Variants in OTOG observed in about 807,000 individuals in gnomAD.
OTOG encodes the protein otogelin.
OTOG carries 296 observed loss-of-function variants against 313.8 expected under a neutral mutation model. The observed-to-expected ratio is 0.94, with a 90% CI of 0.86 to 1.04. The LOEUF is 1.04. Among genes scored for constraint, OTOG ranks in the 50% least tolerant of loss-of-function variants. OTOG has a pLI of 0.00. For missense variants in OTOG, 3,948 were observed against 3,840.1 expected (o/e 1.03, Z -0.74); for synonymous variants, 1,533 against 1,554.9 (o/e 0.99, Z 0.33).
chr11:17,614,280 T>C (rs1251145516), intron 39 of OTOG, among the ~76,000 whole-genome samples: 1 of 152,204 alleles, frequency 6.6e-6, no homozygotes, highest in Non-Finnish European at 1.5e-5. Context: ...AGCCTTGATC[T>C]GCAGCCTTCC....
intron 33 of OTOG, 140 bp from the exon 34 acceptor site, chr11:17,608,156 C>T: frequency 1.7e-6 from 1 of 578,828 alleles, no homozygotes; most frequent in Non-Finnish European, 3.0e-6. Flanking sequence ...GCAGTTTCTC[C>T]TTAGTGTGGT....
intron 39 of OTOG, among the ~76,000 whole-genome samples, chr11:17,623,932 G>T (rs951134785): frequency 1.3e-5 from 2 of 152,172 alleles, no homozygotes; most frequent in African/African-American, 4.8e-5. Context: ...CTTATTGGCT[G>T]AATGTATGTC....
chr11:17,553,910 A>T (rs942299356), intron 6 of OTOG, among the ~76,000 whole-genome samples: 2 of 152,210 alleles, frequency 1.3e-5, no homozygotes, highest in Non-Finnish European at 2.9e-5. Context: ...AGTGCTATGG[A>T]GGAGAAATGC....
intron 23 of OTOG, among the ~76,000 whole-genome samples, chr11:17,585,949 A>T (rs1434102114): frequency 6.6e-6 from 1 of 152,208 alleles, no homozygotes; most frequent in Non-Finnish European, 1.5e-5. Flanking sequence ...CCCAGGCTGT[A>T]TCCTGTTGAT....
At chr11:17,590,630 A>C (rs1272110631) in intron 24 of OTOG, among the ~76,000 whole-genome samples, 1 of 152,112 alleles carries the variant, frequency 6.6e-6, no homozygotes, top group African/African-American at 2.4e-5. Context: ...AAGTCTTCCA[A>C]TGCCCACCAC....
intron 24 of OTOG, among the ~76,000 whole-genome samples, chr11:17,589,825 A>G (rs977243664): frequency 2.0e-5 from 3 of 152,130 alleles, no homozygotes; most frequent in African/African-American, 7.2e-5. Context: ...TGCCATATCC[A>G]GTTAGCCTTT....
chr11:17,563,818 C>T (rs999157730), intron 15 of OTOG, among the ~76,000 whole-genome samples: 2 of 151,604 alleles, frequency 1.3e-5, no homozygotes, highest in African/African-American at 4.9e-5. Flanking sequence ...GTAGTTGGTA[C>T]CACAGACACG....
intron 23 of OTOG, among the ~76,000 whole-genome samples, chr11:17,581,873 C>T (rs183175471): frequency 1.6e-4 from 24 of 152,352 alleles, no homozygotes; most frequent in African/African-American, 5.3e-4. Flanking sequence ...CTGTGCTTCA[C>T]ACCAGCATAG....
intron 32 of OTOG, 125 bp from the exon 33 acceptor site, chr11:17,605,732 G>T (rs1853367172): frequency 2.8e-6 from 3 of 1,073,670 alleles, no homozygotes; most frequent in Non-Finnish European, 3.9e-6. Context: ...AGGGGGCAGG[G>T]CCTGCTGGTC....
chr11:17,591,407 G>A (rs1255666841), intron 24 of OTOG, 43 bp from the exon 25 acceptor site: 2 of 1,548,230 alleles, frequency 1.3e-6, no homozygotes, highest in Non-Finnish European at 8.7e-7. Context: ...TCAGGTATGG[G>A]GTGGGTGTGC....
At chr11:17,563,020 G>C (rs988075532) in intron 15 of OTOG, among the ~76,000 whole-genome samples, 1 of 152,158 alleles carries the variant, frequency 6.6e-6, no homozygotes, top group African/African-American at 2.4e-5. Context: ...GGAACTTCTT[G>C]TTGTTGTTGT....
intron 32 of OTOG, among the ~76,000 whole-genome samples, chr11:17,602,902 G>A (rs7129066): frequency 0.16 from 23,809 of 152,248 alleles, 2,019 homozygotes; most frequent in Non-Finnish European, 0.18. Context: ...GCCCAAAGGC[G>A]GAACACGGGG....
chr11:17,561,726 C>T lies in OTOG; in HGVS notation c.1563C>T (p.Pro521=), dbSNP rs749836896. ...TTFDGRRYTF[P]ATCQYILAKS... ...TTGATGGCCGCCGGTACACGTTCCC[C>T]GCCACATGTCAGTACATCCTGGCCA... Residue 521 remains proline, a synonymous_variant, in exon 15 of 56, where the codon CCC becomes CCT. Coordinates refer to ENST00000399397, the MANE Select transcript of OTOG (RefSeq NM_001292063.2). The T allele has an allele frequency of 1.2e-5, 19 of 1,550,390 alleles. No individual in the cohort carries two copies. Among genetic ancestry groups the T allele is most frequent in the South Asian group, 8.3e-5 (7 of 84,062 alleles).
intron 25 of OTOG, 54 bp from the exon 26 acceptor site, chr11:17,593,139 T>C (rs1429105330): frequency 1.3e-6 from 2 of 1,502,654 alleles, no homozygotes; most frequent in African/African-American, 2.8e-5. Flanking sequence ...CTGTACCTCT[T>C]GGCAGGATCT....
chr11:17,613,374 C>CCTTCCTTCCCTCCT (rs1565119211), intron 38 of OTOG, among the ~76,000 whole-genome samples: 15 of 74,718 alleles, frequency 2.0e-4, no homozygotes, highest in South Asian at 1.1e-3. Context: ...CCTTCCTTCC[C>CCTTCCTTCCCTCCT]TCCTTCCTTC....
rs767859660 is a variant in OTOG, at chr11:17,605,992, G to A, written c.4013G>A (p.Arg1338Gln). ...FQQHASFLLH[R>Q]GTRQAGLVAL... is the part of the protein sequence containing the mutation. ...CAGCATGCCTCCTTCTTGCTGCACC[G>A]GGGGACACGGCAGGCAGGCCTGGTG... The change falls in exon 33 of 56, where the codon CGG (arginine) becomes CAG (glutamine). Residue 1338 changes from arginine to glutamine, a missense_variant. Transcript: ENST00000399397. The A allele has an allele frequency of 2.8e-4, 440 of 1,550,458 alleles. No homozygotes were observed. Among genetic ancestry groups the A allele is most frequent in the Non-Finnish European group, 3.5e-4 (407 of 1,147,008 alleles).
In OTOG at chr11:17,593,702, C is replaced by A. The variant is rs875696; in HGVS notation, c.3234C>A (p.Thr1078=). ...TGCATTTCCCACAGGAGCACATCAC[C>A]CTCTTGTGGGACCAGAGAACCACAG... ...TLVHFPQEHI[T]LLWDQRTTVH... Residue 1078 remains threonine, a synonymous_variant, in exon 27 of 56, where the codon ACC becomes ACA. Coordinates refer to ENST00000399397, the MANE Select transcript of OTOG (RefSeq NM_001292063.2). 62,154 of 1,548,812 alleles carry A rather than the reference C, an allele frequency of 0.04. 1,570 individuals carry two copies. Among genetic ancestry groups the A allele is most frequent in the African/African-American group, 0.099 (7,236 of 73,072 alleles).
At chr11:17,622,217 T>C (rs1043673955) in intron 39 of OTOG, among the ~76,000 whole-genome samples, 1 of 152,206 alleles carries the variant, frequency 6.6e-6, no homozygotes, top group Admixed American at 6.5e-5. Context: ...TAAAACAGTC[T>C]AATCCTTTTT....
intron 36 of OTOG, 95 bp downstream of exon 36, chr11:17,611,518 A>ATACC (rs1853548694): frequency 1.6e-6 from 2 of 1,234,904 alleles, no homozygotes; most frequent in East Asian, 5.1e-5. Flanking sequence ...CGCTATCCTC[A>ATACC]TACCTGCCCC....
Sources: allele counts gnomAD v4.1 joint callset (sites outside exome capture counted in the v4.1 genomes callset), GRCh38; gene constraint gnomAD v4.1.1; transcripts MANE v1.5; gene names NCBI Gene and HGNC (gene_info 2026-07-23, HGNC 2026-07-21).